The following LRRC8D variants were observed in gnomAD, a reference collection of about 807,000 sequenced individuals.
LRRC8D encodes the protein leucine rich repeat containing 8 VRAC subunit D, also known as volume-regulated anion channel subunit LRRC8D.
In LRRC8D, 20 loss-of-function variants were observed where a neutral mutation model predicts 55.8. The ratio of observed to expected loss-of-function variants is 0.36; its 90% CI spans 0.25 to 0.52. The LOEUF (loss-of-function observed/expected upper bound fraction) is 0.52, where lower values mean the gene tolerates loss of function less well. Ranked by LOEUF, LRRC8D falls within the 20% of genes least tolerant of loss-of-function variation. LRRC8D has a pLI of 0.93. For missense variants in LRRC8D, 651 were observed against 1,030.8 expected (o/e 0.63, Z 5.05); for synonymous variants, 352 against 377.0 (o/e 0.93, Z 0.77).
At chr1:89,857,089 G>A (rs1229836846) in intron 2 of LRRC8D, among the ~76,000 whole-genome samples, 1 of 152,130 alleles carries the variant, frequency 6.6e-6, no homozygotes, top group Non-Finnish European at 1.5e-5. Context: ...AAGACATTAA[G>A]AGTAATTATC....
At chr1:89,905,249 A>G (rs1892431) in intron 2 of LRRC8D, among the ~76,000 whole-genome samples, 16,309 of 152,202 alleles carry the variant, frequency 0.11, 1,152 homozygotes, top group South Asian at 0.17. Context: ...AGACATCAAT[A>G]ATATTTTTAA....
intron 2 of LRRC8D, among the ~76,000 whole-genome samples, chr1:89,864,967 T>G (rs111463872): frequency 2.8e-3 from 431 of 152,322 alleles, no homozygotes; most frequent in Non-Finnish European, 3.8e-3. Flanking sequence ...TTCTTTTGGT[T>G]TTAATGTCCT....
intron 2 of LRRC8D, among the ~76,000 whole-genome samples, chr1:89,860,309 C>G (rs975637705): frequency 6.6e-6 from 1 of 152,114 alleles, no homozygotes; most frequent in East Asian, 1.9e-4. Context: ...ATCTTTTATG[C>G]GAAAAGTTAA....
At chr1:89,842,531 T>C (rs1021512799) in intron 1 of LRRC8D, among the ~76,000 whole-genome samples, 1 of 152,238 alleles carries the variant, frequency 6.6e-6, no homozygotes, top group Non-Finnish European at 1.5e-5. Flanking sequence ...AGAATGATTA[T>C]TGTTTGTATT....
chr1:89,857,886 A>G lies in LRRC8D; in HGVS notation c.-3+14104A>G, dbSNP rs75219717. On this transcript the variant is annotated intron_variant, in intron 2 of 2. Coordinates refer to ENST00000337338, the MANE Select transcript of LRRC8D (RefSeq NM_001134479.2). ...GTAGAATGTCTTTTTGCTCTTCACT[A>G]TCTTTCAAAAAATAATGAGTAGGAT... Among the ~76,000 whole-genome samples, 587 of 152,334 alleles carry G rather than the reference A, an allele frequency of 3.9e-3. 4 individuals are homozygous for G. The highest frequency in any genetic ancestry group is 0.013 in the African/African-American group (556 of 41,566).
chr1:89,846,468 G>T (rs1420482552), intron 2 of LRRC8D: 5 of 152,150 alleles, frequency 3.3e-5, no homozygotes, highest in Non-Finnish European at 5.9e-5. Context: ...AAATGGAGTT[G>T]TTGGGACCTG....
intron 2 of LRRC8D, among the ~76,000 whole-genome samples, chr1:89,859,404 G>A (rs1334135016): frequency 2.0e-5 from 3 of 152,046 alleles, no homozygotes; most frequent in Non-Finnish European, 4.4e-5. Flanking sequence ...GCCTTTGACT[G>A]CTGACATTGC....
chr1:89,843,859 C>T (rs1287998285), intron 2 of LRRC8D, 77 bp downstream of exon 2: 3 of 576,590 alleles, frequency 5.2e-6, no homozygotes, highest in Non-Finnish European at 9.4e-6. Context: ...GTCGGATCTG[C>T]ATCTCCAGCT....
At chr1:89,841,932 G>A (rs1661142467) in intron 1 of LRRC8D, among the ~76,000 whole-genome samples, 1 of 152,168 alleles carries the variant, frequency 6.6e-6, no homozygotes, top group African/African-American at 2.4e-5. Context: ...ATGATCATTG[G>A]CCAGGAGTGG....
At chr1:89,873,596 T>C (rs1662075843) in intron 2 of LRRC8D, among the ~76,000 whole-genome samples, 1 of 152,230 alleles carries the variant, frequency 6.6e-6, no homozygotes, top group South Asian at 2.1e-4. Context: ...AGGGGTGTTA[T>C]CATCAAAAAC....
intron 2 of LRRC8D, among the ~76,000 whole-genome samples, chr1:89,860,126 C>T (rs1431798812): frequency 1.3e-5 from 2 of 152,184 alleles, no homozygotes; most frequent in African/African-American, 4.8e-5. Flanking sequence ...CCTTTTATTA[C>T]TACGTAGGTT....
chr1:89,860,474 A>C (rs1046891614), intron 2 of LRRC8D, among the ~76,000 whole-genome samples: 1 of 151,972 alleles, frequency 6.6e-6, no homozygotes, highest in African/African-American at 2.4e-5. Context: ...TAAAATGTAC[A>C]CGTGGCCGGG....
At chr1:89,924,483 T>A (rs1249842143) in intron 2 of LRRC8D, among the ~76,000 whole-genome samples, 1 of 152,214 alleles carries the variant, frequency 6.6e-6, no homozygotes, top group African/African-American at 2.4e-5. Flanking sequence ...GTAAATTAGT[T>A]CAGCCACTGT....
intron 1 of LRRC8D, among the ~76,000 whole-genome samples, chr1:89,829,660 C>A (rs1660842490): frequency 6.6e-6 from 1 of 152,180 alleles, no homozygotes; most frequent in African/African-American, 2.4e-5. Context: ...CTGGTTCGTG[C>A]TGCGTGTTTG....
chr1:89,887,972 A>G (rs1366256318), intron 2 of LRRC8D, among the ~76,000 whole-genome samples: 1 of 152,238 alleles, frequency 6.6e-6, no homozygotes, highest in African/African-American at 2.4e-5. Flanking sequence ...GAGAAAACAG[A>G]AAAGATGTAA....
At chr1:89,865,899 TCAGCATG>T (rs1231044892) in intron 2 of LRRC8D, among the ~76,000 whole-genome samples, 2 of 152,254 alleles carry the variant, frequency 1.3e-5, no homozygotes, top group African/African-American at 4.8e-5. Flanking sequence ...TTTAAGGTTT[TCAGCATG>T]CAGCCAAGTG....
intron 2 of LRRC8D, among the ~76,000 whole-genome samples, chr1:89,883,957 A>G (rs1231106086): frequency 6.6e-6 from 1 of 152,234 alleles, no homozygotes; most frequent in Non-Finnish European, 1.5e-5. Flanking sequence ...CAGGAAGGTC[A>G]TCCGATCCTG....
intron 1 of LRRC8D, among the ~76,000 whole-genome samples, chr1:89,822,813 A>G (rs925402417): frequency 6.6e-6 from 1 of 152,186 alleles, no homozygotes; most frequent in African/African-American, 2.4e-5. Context: ...CAGTCCAAAA[A>G]TAGTGACCAA....
chr1:89,836,994 C>G (rs182754599), intron 1 of LRRC8D, among the ~76,000 whole-genome samples: 4 of 152,242 alleles, frequency 2.6e-5, no homozygotes, highest in Admixed American at 2.6e-4. Context: ...TTGTTTCTAG[C>G]CTGCTTAACT....
Sources: gnomAD v4.1 joint callset for allele counts (sites outside exome capture counted in the v4.1 genomes callset) on GRCh38, gnomAD v4.1.1 for gene constraint, MANE v1.5 for transcripts, NCBI Gene and HGNC (gene_info 2026-07-23, HGNC 2026-07-21) for gene names.